STK32B: variants seen among roughly 807,000 people sequenced by gnomAD.
STK32B encodes the protein serine/threonine kinase 32B.
In STK32B, 43 loss-of-function variants were observed where a neutral mutation model predicts 52.6. The observed-to-expected ratio is 0.82, with a 90% CI of 0.64 to 1.05. STK32B has a LOEUF of 1.05. Ranked by LOEUF, STK32B falls within the 50% of genes least tolerant of loss-of-function variation. The pLI is 0.00. For synonymous variants in STK32B, 238 were observed against 204.3 expected (o/e 1.17, Z -1.41); for missense variants, 621 against 534.6 (o/e 1.16, Z -1.59).
intron 3 of STK32B, among the ~76,000 whole-genome samples, chr4:5,196,653 G>A (rs1475103629): frequency 4.0e-5 from 6 of 151,870 alleles, no homozygotes; most frequent in Non-Finnish European, 7.4e-5. Flanking sequence ...CCCGGGAGGC[G>A]GAGGTTGCAG....
chr4:5,147,036 C>G (rs995019098), intron 2 of STK32B, among the ~76,000 whole-genome samples: 1 of 152,058 alleles, frequency 6.6e-6, no homozygotes, highest in African/African-American at 2.4e-5. Context: ...AATCCATGGA[C>G]ATGGTATATC....
At chr4:5,422,906 TAGAG>T (rs759718062) in intron 6 of STK32B, among the ~76,000 whole-genome samples, 3 of 152,144 alleles carry the variant, frequency 2.0e-5, no homozygotes, top group Non-Finnish European at 4.4e-5. Flanking sequence ...TGGGTAACGA[TAGAG>T]AGAGGGCATT....
At chr4:5,228,554 T>C (rs1202789953) in intron 3 of STK32B, among the ~76,000 whole-genome samples, 6 of 152,206 alleles carry the variant, frequency 3.9e-5, no homozygotes, top group African/African-American at 1.4e-4. Flanking sequence ...TCTTGTTTTT[T>C]CTGTATTTAA....
chr4:5,358,558 C>G (rs1050866591), intron 4 of STK32B, among the ~76,000 whole-genome samples: 2 of 151,912 alleles, frequency 1.3e-5, no homozygotes, highest in Admixed American at 1.3e-4. Flanking sequence ...GCATTAAGAA[C>G]AAAGACATTA....
Position 5,466,726 on chromosome 4 carries a change from C to T in STK32B, c.933C>T (p.Pro311=), listed in dbSNP as rs886453610. The part of the protein sequence containing the change: ...VPNKGRLNCD[P]TFELEEMILE... ...AGAAAGGGAGGTTGAACTGCGATCC[C>T]ACATTTGAGCTTGAAGAGATGATTC... is the stretch of plus-strand genomic sequence containing the variant. The change falls in exon 10 of 12, where the codon CCC becomes CCT. Residue 311 remains proline, a synonymous_variant. Coordinates refer to ENST00000282908, the MANE Select transcript of STK32B (RefSeq NM_018401.3). 2 of 1,613,548 alleles carry T rather than the reference C, an allele frequency of 1.2e-6. No homozygotes were observed. The highest frequency in any genetic ancestry group is 2.2e-5 in the East Asian group (1 of 44,840).
intron 3 of STK32B, among the ~76,000 whole-genome samples, chr4:5,321,281 C>G (rs1731473089): frequency 6.6e-6 from 1 of 152,114 alleles, no homozygotes; most frequent in Non-Finnish European, 1.5e-5. Context: ...AAAAAAAAAG[C>G]ACTTAGGACC....
At chr4:5,261,354 G>A (rs1726702310) in intron 3 of STK32B, among the ~76,000 whole-genome samples, 1 of 152,186 alleles carries the variant, frequency 6.6e-6, no homozygotes, top group Non-Finnish European at 1.5e-5. Context: ...GAGGAGAGAC[G>A]AAGGAGGCAG....
intron 3 of STK32B, 120 bp from the exon 4 acceptor site, chr4:5,331,100 C>A: frequency 1.1e-6 from 1 of 917,482 alleles, no homozygotes; most frequent in Non-Finnish European, 1.6e-6. Context: ...CACCATGACT[C>A]AGGCAACTCA....
intron 4 of STK32B, among the ~76,000 whole-genome samples, chr4:5,333,010 C>G (rs907049335): frequency 6.6e-6 from 1 of 152,150 alleles, no homozygotes; most frequent in African/African-American, 2.4e-5. Flanking sequence ...GGTATATACC[C>G]AGTAATGGGA....
rs1410588680 is a variant in STK32B at position 5,316,225 on chromosome 4, A to T, written c.261-14995A>T. 8.0e-3 allele frequency among the ~76,000 whole-genome samples: 551 copies of T among 68,602 alleles called. 4 individuals carry two copies. The highest frequency in any genetic ancestry group is 0.051 in the African/African-American group (391 of 7,642). The allele number at this position is 68,602 out of a possible 152,430, so 45.0% of individuals were successfully genotyped here. On this transcript the variant is annotated intron_variant, in intron 3 of 11. Coordinates refer to ENST00000282908, the MANE Select transcript of STK32B (RefSeq NM_018401.3). The stretch of plus-strand genomic sequence containing the variant: ...TATAATATATATTACATAATATATT[A>T]TATATACAATATTATATATTGTATA...
intron 1 of STK32B, among the ~76,000 whole-genome samples, chr4:5,135,494 G>C (rs1342726475): frequency 6.6e-6 from 1 of 152,186 alleles, no homozygotes; most frequent in Admixed American, 6.5e-5. Context: ...CTATGTGCCT[G>C]GCTTTGAGTA....
intron 4 of STK32B, among the ~76,000 whole-genome samples, chr4:5,374,957 A>G (rs2109016655): frequency 6.6e-6 from 1 of 152,336 alleles, no homozygotes; most frequent in South Asian, 2.1e-4. Context: ...AGGAGATACT[A>G]GAGTCCAATT....
At chr4:5,065,802 C>A (rs942183931) in intron 1 of STK32B, among the ~76,000 whole-genome samples, 39 of 152,168 alleles carry the variant, frequency 2.6e-4, no homozygotes, top group African/African-American at 9.2e-4. Context: ...TGGCTCACTG[C>A]AACCTCTGCC....
chr4:5,180,405 C>T (rs1720263830), intron 3 of STK32B, among the ~76,000 whole-genome samples: 2 of 152,202 alleles, frequency 1.3e-5, no homozygotes, highest in South Asian at 4.1e-4. Flanking sequence ...TCCCATTTTA[C>T]AGGTGGGACA....
chr4:5,377,994 G>A (rs1261699346), intron 4 of STK32B, among the ~76,000 whole-genome samples: 1 of 152,194 alleles, frequency 6.6e-6, no homozygotes, highest in African/African-American at 2.4e-5. Flanking sequence ...GCCCACCAAG[G>A]ATTTGAGATG....
At chr4:5,020,129 C>T in the STK32B span, among the ~76,000 whole-genome samples, 1 of 152,166 alleles carries the variant, frequency 6.6e-6, no homozygotes, top group African/African-American at 2.4e-5. Flanking sequence ...CCTCAAGCTC[C>T]CAGCACAGGC....
intron 4 of STK32B, among the ~76,000 whole-genome samples, chr4:5,334,650 C>A (rs1732508752): frequency 6.6e-6 from 1 of 151,504 alleles, no homozygotes; most frequent in Non-Finnish European, 1.5e-5. Context: ...AGATATGTCC[C>A]ATCAATACCT....
At chr4:5,273,870 T>C (rs770057960) in intron 3 of STK32B, among the ~76,000 whole-genome samples, 9 of 144,434 alleles carry the variant, frequency 6.2e-5, no homozygotes, top group South Asian at 2.4e-4. Context: ...AGGGATAGCA[T>C]TGGAAGATAT....
At chr4:5,043,115 A>G in the STK32B span, among the ~76,000 whole-genome samples, 1 of 146,952 alleles carries the variant, frequency 6.8e-6, no homozygotes, top group East Asian at 2.0e-4. Context: ...TCCGTCTCAA[A>G]AAAAAAAAAA....
Sources: gnomAD v4.1 joint callset for allele counts (sites outside exome capture counted in the v4.1 genomes callset) on GRCh38, gnomAD v4.1.1 for gene constraint, MANE v1.5 for transcripts, NCBI Gene and HGNC (gene_info 2026-07-23, HGNC 2026-07-21) for gene names.